Variants in DNAAF5 observed in about 807,000 individuals in gnomAD.
DNAAF5 encodes the protein dynein axonemal assembly factor 5, also known as HEAT repeat containing 2.
A neutral mutation model predicts 75.8 loss-of-function variants in DNAAF5; 64 were observed. The ratio of observed to expected loss-of-function variants is 0.84; its 90% CI spans 0.69 to 1.04. DNAAF5 has a LOEUF of 1.04. Ranked by LOEUF, DNAAF5 falls within the 50% of genes least tolerant of loss-of-function variation. The pLI, the probability that DNAAF5 is intolerant of heterozygous loss-of-function variation, is 0.00. For missense variants in DNAAF5, 1,269 were observed against 1,178.5 expected, an observed-to-expected ratio of 1.08 and a Z score of -1.12; for synonymous variants, 657 against 557.2, an observed-to-expected ratio of 1.18 and a Z score of -2.52.
chr7:750,303 G>T (rs969067256), intron 4 of DNAAF5, among the ~76,000 whole-genome samples: 1 of 152,178 alleles, frequency 6.6e-6, no homozygotes, highest in Non-Finnish European at 1.5e-5. Context: ...ATCTAGGCTT[G>T]TGTACGTCAC....
rs768443445 is a variant in DNAAF5, at chr7:770,601, C to T, written c.1914C>T (p.Asp638=). Residue 638 remains aspartate, a synonymous_variant, in exon 9 of 13, where the codon GAC becomes GAT. Transcript: ENST00000297440. ...ILSTVLLRAT[D]TINSQGQFPS... ...CCACCGTGCTGCTCAGAGCCACGGACACCATCAACTCCCAGGGGTAGGTCC... is the reference window on the plus strand; with the variant it reads ...CCACCGTGCTGCTCAGAGCCACGGATACCATCAACTCCCAGGGGTAGGTCC... The T allele has an allele frequency of 6.2e-7, 1 of 1,613,680 alleles. No homozygotes were observed. The highest frequency in any genetic ancestry group is 8.5e-7 in the Non-Finnish European group (1 of 1,179,946).
chr7:784,415 A>C (rs926186843), intron 12 of DNAAF5, among the ~76,000 whole-genome samples: 1 of 152,144 alleles, frequency 6.6e-6, no homozygotes, highest in Non-Finnish European at 1.5e-5. Flanking sequence ...TCTGTCCTCA[A>C]GACTGAAGGC....
chr7:727,497 G>C, intron 1 of DNAAF5, 182 bp downstream of exon 1: 1 of 285,438 alleles, frequency 3.5e-6, no homozygotes, highest in Non-Finnish European at 6.0e-6. Flanking sequence ...CACCCCGCCC[G>C]GCCCCCTCCT....
rs890647614 is a variant in DNAAF5 at position 742,077 on chromosome 7, C to T, written c.1024+612C>T. ...GTCTGGCTGAGTCTGAGTGGAGGCT[C>T]CCAGGTCCAGCCCCAACACATTTGC... On this transcript the variant is annotated intron_variant, in intron 4 of 12. Coordinates refer to ENST00000297440, the MANE Select transcript of DNAAF5 (RefSeq NM_017802.4). Among the ~76,000 whole-genome samples the T allele has an allele frequency of 2.7e-4, 41 of 152,314 alleles. 3 individuals carry two copies. Among genetic ancestry groups the T allele is most frequent in the Admixed American group, 2.4e-3 (37 of 15,294 alleles).
In DNAAF5 at chr7:761,899, A is replaced by G; in HGVS notation, c.1614+3A>G. On this transcript the variant is annotated splice_donor_region_variant and intron_variant, in intron 7 of 12. Coordinates refer to ENST00000297440, the MANE Select transcript of DNAAF5 (RefSeq NM_017802.4). ...GTGCTACCGGCCTGAGGGACAAGGT[A>G]AGGCTGACAGTGGTGGCTGCTGCTT... 2 of 1,567,328 alleles carry G rather than the reference A, an allele frequency of 1.3e-6. No individual in the cohort carries two copies. The highest frequency in any genetic ancestry group is 2.3e-5 in the South Asian group (2 of 85,146).
chr7:749,223 T>G (rs960427219), intron 4 of DNAAF5, among the ~76,000 whole-genome samples: 1 of 152,190 alleles, frequency 6.6e-6, no homozygotes, highest in Non-Finnish European at 1.5e-5. Context: ...CTGGTGTGTA[T>G]CTGACAATCA....
intron 1 of DNAAF5, 45 bp from the exon 2 acceptor site, chr7:729,618 C>A (rs367924076): frequency 6.4e-7 from 1 of 1,574,500 alleles, no homozygotes; most frequent in East Asian, 2.3e-5. Flanking sequence ...CTGGGCGAGG[C>A]GTGTGGGAGC....
At chr7:741,248 C>T (rs776501019) in intron 3 of DNAAF5, 99 bp from the exon 4 acceptor site, 8 of 885,934 alleles carry the variant, frequency 9.0e-6, no homozygotes, top group Non-Finnish European at 1.4e-5. Context: ...CCCGCTCTCA[C>T]GCAATGGGGT....
At chr7:775,514 GT>G (rs1562399990) in intron 11 of DNAAF5, among the ~76,000 whole-genome samples, 5 of 17,858 alleles carry the variant, frequency 2.8e-4, no homozygotes, top group South Asian at 2.7e-3. Flanking sequence ...AAGTAGGGGT[GT>G]GTGTGTGTGT....
intron 8 of DNAAF5, chr7:768,690 T>C (rs1011104998): frequency 1.9e-5 from 3 of 161,076 alleles, no homozygotes; most frequent in Admixed American, 1.2e-4. Flanking sequence ...GGAGCGCTCA[T>C]GCTGGGAAGG....
chr7:769,170 A>AG (rs1562395628), intron 8 of DNAAF5: 1 of 775,042 alleles, frequency 1.3e-6, no homozygotes, highest in African/African-American at 1.7e-5. Flanking sequence ...GCCAGGGAGA[A>AG]GGCTCACATC....
At chr7:744,506 C>A (rs1364108251) in intron 4 of DNAAF5, among the ~76,000 whole-genome samples, 7 of 152,176 alleles carry the variant, frequency 4.6e-5, no homozygotes, top group Non-Finnish European at 1.0e-4. Flanking sequence ...CATGAACAGA[C>A]ACTTCTCAAA....
chr7:780,287 C>G, intron 12 of DNAAF5, 143 bp downstream of exon 12: 1 of 689,452 alleles, frequency 1.5e-6, no homozygotes, highest in Non-Finnish European at 2.4e-6. Context: ...CTCTTGAGTT[C>G]TTGGCAAACC....
At chr7:763,663 C>T in intron 7 of DNAAF5, 143 bp from the exon 8 acceptor site, 2 of 929,512 alleles carry the variant, frequency 2.2e-6, no homozygotes, top group Non-Finnish European at 3.2e-6. Context: ...GCGGGGCTCC[C>T]TGTGGCAGCC....
intron 1 of DNAAF5, 78 bp downstream of exon 1, chr7:727,393 ACCCCCGCGGCTCGG>A: frequency 1.8e-6 from 1 of 543,976 alleles, no homozygotes; most frequent in East Asian, 9.8e-5. Context: ...CCCTCTCACA[ACCCCCGCGGCTCGG>A]CCCCGCCCCC....
intron 7 of DNAAF5, among the ~76,000 whole-genome samples, chr7:762,449 T>C (rs1478123132): frequency 3.3e-5 from 5 of 149,532 alleles, no homozygotes; most frequent in African/African-American, 9.8e-5. Context: ...ATCGTGCCAC[T>C]GCACTCCAGC....
At chr7:782,782 C>G (rs1017878025) in intron 12 of DNAAF5, among the ~76,000 whole-genome samples, 2 of 151,264 alleles carry the variant, frequency 1.3e-5, no homozygotes, top group African/African-American at 4.9e-5. Context: ...GTGGCCGCCT[C>G]CCGTCACGCA....
Position 761,799 on chromosome 7 carries a change from C to T in DNAAF5, c.1517C>T (p.Ser506Phe), listed in dbSNP as rs747112312. The T allele has an allele frequency of 1.9e-6, 3 of 1,609,374 alleles. No individual in the cohort carries two copies. Among genetic ancestry groups the T allele is most frequent in the South Asian group, 1.1e-5 (1 of 89,946 alleles). Residue 506 changes from serine to phenylalanine, a missense_variant, in exon 7 of 13, where the codon TCT becomes TTT. By Grantham distance (155) the Ser-to-Phe change is radical. Coordinates refer to ENST00000297440, the MANE Select transcript of DNAAF5 (RefSeq NM_017802.4). ...CTGCTGTGTGTGCAGGCTCTGGTGT[C>T]TGTGTGTCATGAGGACTGTGGCGTG... ...RLLLCVQALV[S>F]VCHEDCGVAS... is the part of the protein sequence containing the mutation.
rs1439423086 is a variant in DNAAF5, at chr7:770,620, T to C, written c.1931+2T>C. On this transcript the variant is annotated splice_donor_variant, in intron 9 of 12. Transcript: ENST00000297440. LOFTEE classifies it high-confidence loss of function. The stretch of plus-strand genomic sequence containing the variant: ...CACGGACACCATCAACTCCCAGGGG[T>C]AGGTCCGGGCTCTGCCTCTGCACGG... 1.9e-6 allele frequency: 3 copies of C among 1,612,892 alleles called. No homozygotes were observed. In the African/African-American group the frequency reaches 4.0e-5, roughly 22 times the overall value.
Sources: allele counts gnomAD v4.1 joint callset (sites outside exome capture counted in the v4.1 genomes callset), GRCh38; gene constraint gnomAD v4.1.1; transcripts MANE v1.5; gene names NCBI Gene and HGNC (gene_info 2026-07-23, HGNC 2026-07-21).